Variants in PCDH9 observed in about 807,000 individuals in gnomAD.
PCDH9 encodes the protein protocadherin-9.
Under a neutral mutation model 70.6 loss-of-function variants are expected in PCDH9, and 24 were observed. The observed-to-expected ratio is 0.34, with a 90% CI of 0.25 to 0.48. The LOEUF (loss-of-function observed/expected upper bound fraction) is 0.48. PCDH9 is among the 20% of genes least tolerant of loss of function. The pLI is 0.99. For synonymous variants in PCDH9, 562 were observed against 558.5 expected, an observed-to-expected ratio of 1.01 and a Z score of -0.09; for missense variants, 1,281 against 1,503.6, an observed-to-expected ratio of 0.85 and a Z score of 2.45.
intron 2 of PCDH9, among the ~76,000 whole-genome samples, chr13:67,132,560 T>C (rs924733797): frequency 2.0e-5 from 3 of 152,096 alleles, no homozygotes; most frequent in African/African-American, 2.4e-5. Context: ...GTGTGTCAAA[T>C]AGGTGGTAAC....
At chr13:66,322,412 G>A (rs569608789) in intron 4 of PCDH9, among the ~76,000 whole-genome samples, 29 of 152,074 alleles carry the variant, frequency 1.9e-4, no homozygotes, top group East Asian at 1.7e-3. Flanking sequence ...AATCTGACAC[G>A]GTTAAGTTCA....
intron 4 of PCDH9, among the ~76,000 whole-genome samples, chr13:66,327,907 C>A (rs775590383): frequency 4.6e-5 from 7 of 152,110 alleles, no homozygotes; most frequent in Non-Finnish European, 8.8e-5. Flanking sequence ...TTTATTCCTG[C>A]CTAGGTCTTT....
intron 4 of PCDH9, among the ~76,000 whole-genome samples, chr13:66,545,833 A>ATTTTT (rs141704175): frequency 4.0e-5 from 1 of 25,010 alleles, no homozygotes; most frequent in Non-Finnish European, 9.9e-5. Flanking sequence ...ATTTTATTTT[A>ATTTTT]TTTATTTATT....
At chr13:66,442,674 T>TG (rs1158475282) in intron 4 of PCDH9, among the ~76,000 whole-genome samples, 3 of 152,118 alleles carry the variant, frequency 2.0e-5, no homozygotes, top group African/African-American at 7.2e-5. Flanking sequence ...TTGTTTTTTT[T>TG]TCAGTCTTGT....
chr13:66,789,207 G>A (rs2080125925), intron 3 of PCDH9, among the ~76,000 whole-genome samples: 2 of 152,110 alleles, frequency 1.3e-5, no homozygotes, highest in Admixed American at 6.6e-5. Context: ...TGAGTAACCG[G>A]CTGAAATTTA....
chr13:66,737,543 G>C (rs1026343697), intron 3 of PCDH9, among the ~76,000 whole-genome samples: 3 of 152,188 alleles, frequency 2.0e-5, no homozygotes, highest in Non-Finnish European at 4.4e-5. Context: ...CAGCGTGAGC[G>C]ACGCAGAAGA....
At chr13:66,629,840 T>G (rs2077546622) in intron 4 of PCDH9, among the ~76,000 whole-genome samples, 1 of 152,186 alleles carries the variant, frequency 6.6e-6, no homozygotes, top group Admixed American at 6.5e-5. Context: ...TGCTGGGGAT[T>G]GGAAGGAGGC....
At chr13:67,039,807 G>C (rs977410647) in intron 2 of PCDH9, among the ~76,000 whole-genome samples, 5 of 152,130 alleles carry the variant, frequency 3.3e-5, no homozygotes, top group African/African-American at 9.7e-5. Flanking sequence ...TAGCGAAGTT[G>C]AACAAAAGTG....
At chr13:66,766,751 A>T (rs1334658081) in intron 3 of PCDH9, among the ~76,000 whole-genome samples, 5 of 152,006 alleles carry the variant, frequency 3.3e-5, no homozygotes, top group Admixed American at 3.3e-4. Context: ...GGTTATTGGG[A>T]TGAATCAGTC....
intron 3 of PCDH9, among the ~76,000 whole-genome samples, chr13:66,632,935 A>G (rs1018916937): frequency 1.3e-5 from 2 of 152,128 alleles, no homozygotes; most frequent in African/African-American, 4.8e-5. Flanking sequence ...TGTGCTTTTC[A>G]AGAGACAATT....
chr13:66,318,916 AC>A (rs1955701710), intron 4 of PCDH9, among the ~76,000 whole-genome samples: 2 of 152,292 alleles, frequency 1.3e-5, no homozygotes, highest in South Asian at 4.1e-4. Flanking sequence ...TATTAATATT[AC>A]AATGTCATTG....
intron 2 of PCDH9, among the ~76,000 whole-genome samples, chr13:67,101,139 G>A (rs1292951765): frequency 6.6e-6 from 1 of 152,144 alleles, no homozygotes; most frequent in African/African-American, 2.4e-5. Context: ...CATCAGCAAT[G>A]GGGATTTCTC....
intron 3 of PCDH9, among the ~76,000 whole-genome samples, chr13:66,803,842 T>C (rs1452578021): frequency 6.6e-6 from 1 of 152,216 alleles, no homozygotes; most frequent in East Asian, 1.9e-4. Flanking sequence ...AGCATAACTA[T>C]GCTGGCTTAT....
chr13:66,831,275 A>G (rs2080920689), intron 3 of PCDH9, among the ~76,000 whole-genome samples: 1 of 152,054 alleles, frequency 6.6e-6, no homozygotes, highest in South Asian at 2.1e-4. Flanking sequence ...TGCATCTACA[A>G]CCTCTTTTTT....
intron 3 of PCDH9, among the ~76,000 whole-genome samples, chr13:66,785,393 C>G (rs776458082): frequency 5.9e-5 from 9 of 151,864 alleles, no homozygotes; most frequent in Non-Finnish European, 8.8e-5. Flanking sequence ...TTTTACAGTA[C>G]TCTTCATCGT....
intron 2 of PCDH9, among the ~76,000 whole-genome samples, chr13:66,986,666 T>C (rs1305893416): frequency 6.6e-6 from 1 of 151,996 alleles, no homozygotes; most frequent in Non-Finnish European, 1.5e-5. Context: ...TAGCAGACTT[T>C]CAATAATGAT....
At chr13:66,463,578 G>A (rs775328759) in intron 4 of PCDH9, among the ~76,000 whole-genome samples, 6 of 151,722 alleles carry the variant, frequency 4.0e-5, no homozygotes, top group Non-Finnish European at 8.9e-5. Context: ...TCTGGATTGT[G>A]GCCTGAGATA....
chr13:67,070,451 T>C (rs1341447357), intron 2 of PCDH9, among the ~76,000 whole-genome samples: 1 of 152,198 alleles, frequency 6.6e-6, no homozygotes, highest in Non-Finnish European at 1.5e-5. Context: ...GTGAGAGGTA[T>C]TAACACCTTA....
intron 3 of PCDH9, among the ~76,000 whole-genome samples, chr13:66,738,325 A>G (rs1440857752): frequency 6.6e-6 from 1 of 151,854 alleles, no homozygotes; most frequent in East Asian, 2.0e-4. Flanking sequence ...GGACATCCAC[A>G]CCGAAAACCC....
Sources: allele counts gnomAD v4.1 joint callset (sites outside exome capture counted in the v4.1 genomes callset), GRCh38; gene constraint gnomAD v4.1.1; transcripts MANE v1.5; gene names NCBI Gene and HGNC (gene_info 2026-07-23, HGNC 2026-07-21).